FRK: variants seen among roughly 807,000 people sequenced by gnomAD.
The protein encoded by FRK is fyn related Src family tyrosine kinase.
In FRK, 51 loss-of-function variants were observed where a neutral mutation model predicts 56.4. The ratio of observed to expected loss-of-function variants is 0.90; its 90% CI spans 0.72 to 1.14. FRK has a LOEUF of 1.14. Among genes scored for constraint, FRK ranks in the 50% most tolerant of loss-of-function variants. The pLI is 0.00. For synonymous variants in FRK, 245 were observed against 217.9 expected, an observed-to-expected ratio of 1.12 and a Z score of -1.10; for missense variants, 570 against 601.4, an observed-to-expected ratio of 0.95 and a Z score of 0.55.
chr6:116,071,220 T>A, the FRK span, among the ~76,000 whole-genome samples: 120 of 152,274 alleles, frequency 7.9e-4, no homozygotes, highest in African/African-American at 2.8e-3. Flanking sequence ...AGTCATACCT[T>A]GTTGCCTATG....
At chr6:115,993,159 A>G (rs1422750657) in intron 2 of FRK, among the ~76,000 whole-genome samples, 1 of 151,852 alleles carries the variant, frequency 6.6e-6, no homozygotes, top group East Asian at 1.9e-4. Context: ...GTATGTAGAT[A>G]TACAAATAAA....
At chr6:116,042,329 G>A (rs531777954) in intron 1 of FRK, among the ~76,000 whole-genome samples, 13 of 152,228 alleles carry the variant, frequency 8.5e-5, no homozygotes, top group African/African-American at 2.9e-4. Flanking sequence ...AGCTTCAGCA[G>A]ACTTATACAT....
chr6:116,009,459 G>A (rs1775383635), intron 1 of FRK, among the ~76,000 whole-genome samples: 1 of 152,190 alleles, frequency 6.6e-6, no homozygotes, highest in Non-Finnish European at 1.5e-5. Context: ...AAACCAATTA[G>A]AAATTTGTAC....
At chr6:116,026,841 T>A (rs1478138956) in intron 1 of FRK, among the ~76,000 whole-genome samples, 1 of 151,962 alleles carries the variant, frequency 6.6e-6, no homozygotes, top group Non-Finnish European at 1.5e-5. Context: ...CCTGAAGAAA[T>A]CATCAGCTGA....
intron 3 of FRK, among the ~76,000 whole-genome samples, chr6:115,968,163 T>G (rs1256854233): frequency 1.3e-5 from 2 of 152,202 alleles, no homozygotes; most frequent in Non-Finnish European, 2.9e-5. Context: ...ATTTTTTCAT[T>G]TCTTTATTTG....
At chr6:115,945,097 T>C (rs1400210188) in intron 5 of FRK, among the ~76,000 whole-genome samples, 2 of 152,214 alleles carry the variant, frequency 1.3e-5, no homozygotes, top group Non-Finnish European at 2.9e-5. Context: ...CCACATTTTC[T>C]TTATCCATTC....
At chr6:115,959,275 CAAT>C (rs901454141) in intron 4 of FRK, among the ~76,000 whole-genome samples, 1 of 152,062 alleles carries the variant, frequency 6.6e-6, no homozygotes, top group African/African-American at 2.4e-5. Flanking sequence ...CACTGTAAAT[CAAT>C]AATAATTATT....
intron 2 of FRK, among the ~76,000 whole-genome samples, chr6:115,997,800 T>C (rs909267740): frequency 2.0e-5 from 3 of 152,182 alleles, no homozygotes; most frequent in Admixed American, 2.0e-4. Context: ...GGGAACTCTT[T>C]CTGGATTGCA....
At chr6:115,966,075 A>G (rs1458435188) in intron 4 of FRK, among the ~76,000 whole-genome samples, 9 of 16,484 alleles carry the variant, frequency 5.5e-4, no homozygotes, top group Non-Finnish European at 1.6e-3. Context: ...AAAAAAAAAG[A>G]AATACTTAAA....
At chr6:116,038,336 A>G (rs1291982627) in intron 1 of FRK, among the ~76,000 whole-genome samples, 1 of 152,188 alleles carries the variant, frequency 6.6e-6, no homozygotes, top group Non-Finnish European at 1.5e-5. Context: ...AAGACTGATC[A>G]TTATTATTCA....
At chr6:116,011,355 G>A (rs2114712799) in intron 1 of FRK, among the ~76,000 whole-genome samples, 1 of 152,102 alleles carries the variant, frequency 6.6e-6, no homozygotes, top group Non-Finnish European at 1.5e-5. Context: ...TGATGGCTAG[G>A]ATTTACAAAA....
At chr6:116,069,052 T>G in the FRK span, among the ~76,000 whole-genome samples, 1 of 152,206 alleles carries the variant, frequency 6.6e-6, no homozygotes, top group Admixed American at 6.5e-5. Context: ...AAAATATAGT[T>G]ATCCATGGTT....
At chr6:116,045,800 A>G (rs1233551498) in intron 1 of FRK, among the ~76,000 whole-genome samples, 1 of 152,254 alleles carries the variant, frequency 6.6e-6, no homozygotes, top group African/African-American at 2.4e-5. Flanking sequence ...ATGGGATCTA[A>G]TTAAACTAAA....
intron 1 of FRK, 127 bp downstream of exon 1, chr6:116,059,839 TTG>T: frequency 1.3e-6 from 1 of 777,160 alleles, no homozygotes; most frequent in East Asian, 2.5e-5. Flanking sequence ...TAGTGGTTTC[TTG>T]CCAGTACTTC....
the FRK span, among the ~76,000 whole-genome samples, chr6:116,088,399 C>A: frequency 6.6e-6 from 1 of 152,162 alleles, no homozygotes; most frequent in Non-Finnish European, 1.5e-5. Flanking sequence ...AACAAGCTAA[C>A]CCTGGAAGAA....
At chr6:116,008,188 G>A (rs1775325869) in intron 1 of FRK, among the ~76,000 whole-genome samples, 1 of 152,032 alleles carries the variant, frequency 6.6e-6, no homozygotes, top group East Asian at 1.9e-4. Flanking sequence ...ATATATATAA[G>A]CAGGCAGTTT....
At chr6:116,012,487 G>A (rs1562285219) in intron 1 of FRK, among the ~76,000 whole-genome samples, 1 of 152,186 alleles carries the variant, frequency 6.6e-6, no homozygotes, top group Admixed American at 6.5e-5. Flanking sequence ...AGCTAGCGAT[G>A]CATTTTAAAT....
chr6:116,007,743 G>T (rs918216334), intron 1 of FRK, among the ~76,000 whole-genome samples: 2 of 151,996 alleles, frequency 1.3e-5, no homozygotes, highest in African/African-American at 4.8e-5. Context: ...ACTCAGAATG[G>T]CATTGTCCTA....
intron 2 of FRK, among the ~76,000 whole-genome samples, chr6:115,986,314 C>T (rs576618361): frequency 2.6e-4 from 40 of 152,166 alleles, no homozygotes; most frequent in African/African-American, 8.9e-4. Context: ...CTCCTTTAGC[C>T]TGAGTTCCAG....
Sources: gnomAD v4.1 joint callset for allele counts (sites outside exome capture counted in the v4.1 genomes callset) on GRCh38, gnomAD v4.1.1 for gene constraint, MANE v1.5 for transcripts, NCBI Gene and HGNC (gene_info 2026-07-23, HGNC 2026-07-21) for gene names.